Variants in TAFA2 observed in about 807,000 individuals in gnomAD.
The protein encoded by TAFA2 is chemokine-like protein TAFA-2.
A neutral mutation model predicts 18.8 loss-of-function variants in TAFA2; 7 were observed. The observed-to-expected ratio is 0.37, with a 90% CI of 0.21 to 0.70. The LOEUF (loss-of-function observed/expected upper bound fraction) is 0.70. Ranked by LOEUF, TAFA2 falls within the 30% of genes least tolerant of loss-of-function variation. The probability of loss-of-function intolerance (pLI) is 0.53; values close to 1 mark genes in which losing one functional copy is unlikely to be tolerated. For missense variants in TAFA2, 122 were observed against 158.1 expected (o/e 0.77, Z 1.23); for synonymous variants, 60 against 54.2 (o/e 1.11, Z -0.47).
At chr12:62,136,266 A>G (rs984592066) in intron 1 of TAFA2, among the ~76,000 whole-genome samples, 6 of 152,174 alleles carry the variant, frequency 3.9e-5, no homozygotes, top group Non-Finnish European at 8.8e-5. Flanking sequence ...TCTTTAATAC[A>G]GTGACCCACA....
intron 2 of TAFA2, among the ~76,000 whole-genome samples, chr12:61,857,413 G>A (rs925096045): frequency 6.6e-6 from 1 of 152,122 alleles, no homozygotes; most frequent in African/African-American, 2.4e-5. Flanking sequence ...TATTTTCAGA[G>A]TGGTGAGAGG....
At chr12:61,738,363 C>T (rs952754295) in intron 4 of TAFA2, among the ~76,000 whole-genome samples, 4 of 150,562 alleles carry the variant, frequency 2.7e-5, no homozygotes, top group Non-Finnish European at 5.9e-5. Context: ...AATACTCCTC[C>T]CTCTCCAGTT....
At chr12:61,795,499 A>ATAGG (rs1565636563) in intron 2 of TAFA2, among the ~76,000 whole-genome samples, 382 of 152,120 alleles carry the variant, frequency 2.5e-3, no homozygotes, top group African/African-American at 8.7e-3. Flanking sequence ...CAAACACCAC[A>ATAGG]TGTTCTCACT....
intron 4 of TAFA2, among the ~76,000 whole-genome samples, chr12:61,713,876 G>A (rs940506885): frequency 1.1e-4 from 17 of 152,070 alleles, no homozygotes; most frequent in African/African-American, 3.9e-4. Flanking sequence ...TGCAAGATTT[G>A]CTTAAGCAAT....
At chr12:61,939,089 G>A (rs557819524) in intron 1 of TAFA2, among the ~76,000 whole-genome samples, 13 of 152,160 alleles carry the variant, frequency 8.5e-5, no homozygotes, top group East Asian at 1.9e-4. Flanking sequence ...TATACCTATC[G>A]TTACTGAGCA....
At chr12:61,915,961 A>G (rs1450994286) in intron 1 of TAFA2, among the ~76,000 whole-genome samples, 1 of 152,224 alleles carries the variant, frequency 6.6e-6, no homozygotes, top group Non-Finnish European at 1.5e-5. Context: ...GACACATAAA[A>G]TCAACCATCA....
At chr12:61,930,852 A>G (rs1453368360) in intron 1 of TAFA2, among the ~76,000 whole-genome samples, 1 of 152,218 alleles carries the variant, frequency 6.6e-6, no homozygotes, top group East Asian at 1.9e-4. Context: ...ATGAGGCACA[A>G]TGGTACACAC....
chr12:62,233,066 C>CTTTTTTTTTTTTT lies in TAFA2; in HGVS notation c.-130+25684_-130+25696dup, dbSNP rs34781688. Among the ~76,000 whole-genome samples the CTTTTTTTTTTTTT allele has an allele frequency of 8.1e-4, 32 of 39,574 alleles. 13 individuals carry two copies. Among genetic ancestry groups the CTTTTTTTTTTTTT allele is most frequent in the Admixed American group, 9.8e-4 (2 of 2,038 alleles). 26.0% of individuals were successfully genotyped at this position (39,574 alleles called of 152,430 possible). A position where few individuals can be genotyped will look rare whatever the true frequency, so the allele number is the denominator to read the frequency against. On this transcript the variant is annotated intron_variant, in intron 1 of 5. Coordinates refer to the TAFA2 transcript ENST00000551619. The stretch of plus-strand genomic sequence containing the variant: ...TGTCCTCCCAGCAATTTCTGCATCT[C>CTTTTTTTTTTTTT]TTTTTTTTTTTTTTTTTTTTTTTTT...
chr12:62,188,472 G>A (rs945899764), intron 1 of TAFA2, among the ~76,000 whole-genome samples: 5 of 152,152 alleles, frequency 3.3e-5, no homozygotes, highest in Non-Finnish European at 7.3e-5. Flanking sequence ...GCATTAGAGA[G>A]TTCGTCAGTA....
intron 1 of TAFA2, among the ~76,000 whole-genome samples, chr12:62,010,885 T>G (rs11613600): frequency 0.051 from 4,648 of 90,664 alleles, 470 homozygotes; most frequent in East Asian, 0.11. Context: ...GCCCTTCGTC[T>G]GGGAGGTGGG....
At chr12:61,744,157 C>G (rs1868586285) in intron 4 of TAFA2, among the ~76,000 whole-genome samples, 2 of 152,090 alleles carry the variant, frequency 1.3e-5, no homozygotes, top group African/African-American at 4.8e-5. Context: ...GCTCTCGCCA[C>G]TTAGTTCATA....
At chr12:62,222,864 C>A (rs1042109210) in intron 1 of TAFA2, among the ~76,000 whole-genome samples, 2 of 151,954 alleles carry the variant, frequency 1.3e-5, no homozygotes, top group Non-Finnish European at 2.9e-5. Context: ...AATGCAATGT[C>A]TTCATGTACA....
At chr12:61,713,243 G>A (rs1201130206) in intron 4 of TAFA2, among the ~76,000 whole-genome samples, 1 of 152,152 alleles carries the variant, frequency 6.6e-6, no homozygotes, top group Non-Finnish European at 1.5e-5. Context: ...AAATGAGGCA[G>A]ATGCTGAGCT....
intron 1 of TAFA2, among the ~76,000 whole-genome samples, chr12:62,251,865 A>C (rs879279162): frequency 4.6e-5 from 7 of 152,204 alleles, no homozygotes; most frequent in Non-Finnish European, 8.8e-5. Flanking sequence ...GATCAGTAGA[A>C]ATCCCAGCAG....
At chr12:61,867,076 G>A (rs984147112) in intron 2 of TAFA2, among the ~76,000 whole-genome samples, 2 of 151,856 alleles carry the variant, frequency 1.3e-5, no homozygotes, top group East Asian at 3.9e-4. Flanking sequence ...TTGAAGGAAA[G>A]GTAGAGTTCT....
chr12:61,932,461 G>A (rs184446969), intron 1 of TAFA2, among the ~76,000 whole-genome samples: 1 of 152,236 alleles, frequency 6.6e-6, no homozygotes, highest in East Asian at 1.9e-4. Flanking sequence ...ATAACTCTCT[G>A]CAGAGTTTTG....
At chr12:61,978,831 G>A (rs1879528279) in intron 1 of TAFA2, among the ~76,000 whole-genome samples, 1 of 152,070 alleles carries the variant, frequency 6.6e-6, no homozygotes, top group Non-Finnish European at 1.5e-5. Context: ...AAGGATTGAA[G>A]TCCCAAGTGA....
intron 1 of TAFA2, among the ~76,000 whole-genome samples, chr12:62,021,319 C>T (rs11836443): frequency 2.0e-5 from 3 of 151,552 alleles, no homozygotes; most frequent in South Asian, 2.1e-4. Flanking sequence ...AGGAACAGAT[C>T]GTGTTTGGTT....
At chr12:62,106,249 G>T (rs773153877) in intron 1 of TAFA2, among the ~76,000 whole-genome samples, 1 of 151,902 alleles carries the variant, frequency 6.6e-6, no homozygotes, top group South Asian at 2.1e-4. Flanking sequence ...CAGAAAAATC[G>T]CTTGAACCTG....
Sources: gnomAD v4.1 joint callset for allele counts (sites outside exome capture counted in the v4.1 genomes callset) on GRCh38, gnomAD v4.1.1 for gene constraint, MANE v1.5 for transcripts, NCBI Gene and HGNC (gene_info 2026-07-23, HGNC 2026-07-21) for gene names.